Variants in MAGEL2 observed in about 807,000 individuals in gnomAD.
MAGEL2 encodes MAGE-like protein 2.
For missense variants in MAGEL2, 1,830 were observed against 1,699.2 expected (o/e 1.08, Z -1.35); for synonymous variants, 792 against 721.7 (o/e 1.10, Z -1.56).
rs375960990 is a variant in MAGEL2, at chr15:23,644,740, C to G, written c.3003G>C (p.Pro1001=). The change falls in exon 1 of 1, where the codon CCG becomes CCC. Residue 1001 remains proline (P), a synonymous_variant. Transcript: ENST00000650528. ...AATTATCCTGGGTGGCACTGGATCC[C>G]GGAGAGACACTTGCGACCTCAGACA... The part of the protein sequence containing the change: ...VVVSEVASVS[P]GSSATQDNSK... 61 of 1,613,684 alleles carry G rather than the reference C, an allele frequency of 3.8e-5. No individual in the cohort carries two copies. The highest frequency in any genetic ancestry group is 4.5e-5 in the Non-Finnish European group (53 of 1,179,888).
Position 23,643,932 on chromosome 15 carries a change from C to T in MAGEL2, c.*61G>A. The T allele has an allele frequency of 5.4e-6, 8 of 1,474,484 alleles. No individual in the cohort carries two copies. The highest frequency in any genetic ancestry group is 7.2e-6 in the Non-Finnish European group (8 of 1,112,702). The allele number at this position is 1,474,484 out of a possible 1,614,324, so 91.3% of individuals were successfully genotyped here. A position where few individuals can be genotyped will look rare whatever the true frequency, so the allele number is the denominator to read the frequency against. On this transcript the variant is annotated 3_prime_UTR_variant, in exon 1 of 1. Transcript: ENST00000650528. Reference sequence around the variant, plus strand: ...ACAAACACCAGGAACAAAAATGTCCCCCCACCCTGTCAGTGGCCTCTGGCC... The same window carrying T: ...ACAAACACCAGGAACAAAAATGTCCTCCCACCCTGTCAGTGGCCTCTGGCC...
Position 23,644,076 on chromosome 15 carries a change from A to G in MAGEL2, c.3667T>C (p.Cys1223Arg). The part of the protein sequence containing the change: ...PFHYLEALAE[C>R]EWEDTDEDEP... ...TCCTCATCTGTGTCTTCCCACTCAC[A>G]CTCTGCGAGCGCTTCAAGGTAATGG... Residue 1223 changes from cysteine (C) to arginine (R), a missense_variant, in exon 1 of 1, where the codon TGT becomes CGT. Transcript: ENST00000650528. 6.2e-7 allele frequency: 1 copy of G among 1,613,516 alleles called. No homozygotes were observed. The highest frequency in any genetic ancestry group is 8.5e-7 in the Non-Finnish European group (1 of 1,179,772).
In MAGEL2 at chr15:23,643,937, C is replaced by T. The variant is rs1890334463; in HGVS notation, c.*56G>A. 2.7e-6 allele frequency: 4 copies of T among 1,485,868 alleles called. No homozygotes were observed. The South Asian group carries it at 6.0e-5, about 22-fold the overall frequency. The allele number at this position is 1,485,868 out of a possible 1,614,324, so 92.0% of individuals were successfully genotyped here. ...CACCAGGAACAAAAATGTCCCCCCACCCTGTCAGTGGCCTCTGGCCAGGGA... is the reference window on the plus strand; with the variant it reads ...CACCAGGAACAAAAATGTCCCCCCATCCTGTCAGTGGCCTCTGGCCAGGGA... On this transcript the variant is annotated 3_prime_UTR_variant, in exon 1 of 1. Coordinates refer to ENST00000650528, the MANE Select transcript of MAGEL2 (RefSeq NM_019066.5).
At position 23,645,230 on chromosome 15, in the gene MAGEL2, G is replaced by T. The variant is rs1297997260; in HGVS notation, c.2513C>A (p.Pro838Gln). Residue 838 changes from proline (P) to glutamine (Q), a missense_variant, in exon 1 of 1, where the codon CCA becomes CAA. Transcript: ENST00000650528. ...VEALPAVPWV[P>Q]QPNMNASKAS... The stretch of plus-strand genomic sequence containing the variant: ...CTTTGAGGCATTCATATTGGGCTGT[G>T]GGACCCATGGAACTGCAGGCAGGGC... The T allele has an allele frequency of 6.2e-7, 1 of 1,613,866 alleles. No homozygotes were observed.
In MAGEL2 at chr15:23,644,608, C is replaced by T. The variant is rs755737731; in HGVS notation, c.3135G>A (p.Glu1045=). The change falls in exon 1 of 1, where the codon GAG becomes GAA. Residue 1045 remains glutamate (E), a synonymous_variant. Transcript: ENST00000650528. The part of the protein sequence containing the change: ...DQAKVPVQRS[E]MVKVILREYK... ...ACTCTCGGAGGATGACTTTCACCAT[C>T]TCCGAGCGCTGGACAGGCACCTTGG... is the stretch of plus-strand genomic sequence containing the variant. 2.5e-6 allele frequency: 4 copies of T among 1,613,938 alleles called. No homozygotes were observed. Among genetic ancestry groups the T allele is most frequent in the Non-Finnish European group, 3.4e-6 (4 of 1,179,872 alleles).
Position 23,646,970 on chromosome 15 carries a change from G to C in MAGEL2, c.773C>G (p.Pro258Arg), listed in dbSNP as rs1240010230. ...LMVQPAAPGA[P>R]MVQPPPAAMM... ...GGCTGCTGGAGGCGGCTGGACCATC[G>C]GTGCTCCCGGAGCAGCAGGCTGGAC... The change falls in exon 1 of 1, where the codon CCG becomes CGG. Residue 258 changes from proline to arginine, a missense_variant. Coordinates refer to ENST00000650528, the MANE Select transcript of MAGEL2 (RefSeq NM_019066.5). This position sits in a 1 kb window ranked among gnomAD's most constrained non-coding sequence, Gnocchi z 4.2. 1.3e-6 allele frequency: 2 copies of C among 1,536,720 alleles called. No individual in the cohort carries two copies. Among genetic ancestry groups the C allele is most frequent in the African/African-American group, 2.7e-5 (2 of 73,028 alleles).
rs1890358159 is a variant in MAGEL2, at chr15:23,644,852, G to A, written c.2891C>T (p.Ser964Phe). The change falls in exon 1 of 1, where the codon TCC (serine) becomes TTC (phenylalanine). Residue 964 changes from serine to phenylalanine, a missense_variant. Coordinates refer to ENST00000650528, the MANE Select transcript of MAGEL2 (RefSeq NM_019066.5). The stretch of plus-strand genomic sequence containing the variant: ...GCCCTCCCAGGCACTCAGGGCCCAG[G>A]ATGCGCTGGGCCCTTCCCAGCCACT... ...ILSGWEGPSASWALSAWEGPS... is the reference protein window; with the variant it reads ...ILSGWEGPSAFWALSAWEGPS... The A allele has an allele frequency of 1.2e-6, 2 of 1,612,222 alleles. No individual in the cohort carries two copies. The highest frequency in any genetic ancestry group is 1.7e-6 in the Non-Finnish European group (2 of 1,179,738).
chr15:23,647,737 C>T lies in MAGEL2; in HGVS notation c.6G>A (p.Ser2=), dbSNP rs1222522082. 2.1e-6 allele frequency: 3 copies of T among 1,452,824 alleles called. No individual in the cohort carries two copies. The highest frequency in any genetic ancestry group is 1.4e-5 in the South Asian group (1 of 70,312). The allele number at this position is 1,452,824 out of a possible 1,614,324, so 90.0% of individuals were successfully genotyped here. Residue 2 remains serine (S), a synonymous_variant, in exon 1 of 1, where the codon TCG becomes TCA. Transcript: ENST00000650528. M[S]QLSKNLGDSS... is the part of the protein sequence containing the mutation. ...AGTCACCCAGATTCTTACTTAGCTG[C>T]GACATGTCCCTTTGCTGACAGCTGG...
rs749321139 is a variant in MAGEL2, at chr15:23,644,728, G to T, written c.3015C>A (p.Ala1005=). ...EVASVSPGSS[A]TQDNSKVEAQ... ...CCTCCACCTTGGAATTATCCTGGGT[G>T]GCACTGGATCCCGGAGAGACACTTG... is the stretch of plus-strand genomic sequence containing the variant. The change falls in exon 1 of 1, where the codon GCC becomes GCA. Residue 1005 remains alanine (A), a synonymous_variant. Coordinates refer to ENST00000650528, the MANE Select transcript of MAGEL2 (RefSeq NM_019066.5). The T allele has an allele frequency of 6.2e-7, 1 of 1,613,822 alleles. No homozygotes were observed.
In MAGEL2 at chr15:23,647,286, G is replaced by A; in HGVS notation, c.457C>T (p.Pro153Ser). The A allele has an allele frequency of 6.5e-7, 1 of 1,535,512 alleles. No homozygotes were observed. Among genetic ancestry groups the A allele is most frequent in the Non-Finnish European group, 8.7e-7 (1 of 1,146,220 alleles). The change falls in exon 1 of 1, where the codon CCC becomes TCC. Residue 153 changes from proline (P) to serine (S), a missense_variant. Physicochemically the swap from Pro to Ser is moderately conservative, Grantham distance 74. Transcript: ENST00000650528. ...TGGGCCATTGGGGTCCCCGGAGGGG[G>A]AGGGTGGGACATTGGGGTCCCCGGA... ...PPPGTPMSHP[P>S]PPGTPMAHPP...
rs374837858 is a variant in MAGEL2, at chr15:23,645,700, C to A, written c.2043G>T (p.Pro681=). 9 of 1,557,678 alleles carry A rather than the reference C, an allele frequency of 5.8e-6. No homozygotes were observed. The highest frequency in any genetic ancestry group is 1.7e-4 in the Middle Eastern group (1 of 5,786). ...GCGGTGCCTGCCAGGAAGGCTGGAG[C>A]GGCAGTGTGGGCACCTCCGCTTGCG... ...SGPQAEVPTL[P]LQPSWQAPPA... Residue 681 remains proline, a synonymous_variant, in exon 1 of 1, where the codon CCG becomes CCT. Transcript: ENST00000650528.
At position 23,644,846 on chromosome 15, in the gene MAGEL2, G is replaced by A; in HGVS notation, c.2897C>T (p.Ala966Val). The change falls in exon 1 of 1, where the codon GCC (alanine) becomes GTC (valine). Residue 966 changes from alanine to valine, a missense_variant. Physicochemically the swap from Ala to Val is moderately conservative, Grantham distance 64. Coordinates refer to ENST00000650528, the MANE Select transcript of MAGEL2 (RefSeq NM_019066.5). Reference sequence around the variant, plus strand: ...GCTCGGGCCCTCCCAGGCACTCAGGGCCCAGGATGCGCTGGGCCCTTCCCA... The same window carrying A: ...GCTCGGGCCCTCCCAGGCACTCAGGACCCAGGATGCGCTGGGCCCTTCCCA... Reference protein sequence around the residue: ...SGWEGPSASWALSAWEGPSTS... With the variant: ...SGWEGPSASWVLSAWEGPSTS... 1.9e-6 allele frequency: 3 copies of A among 1,612,078 alleles called. No homozygotes were observed. The highest frequency in any genetic ancestry group is 2.5e-6 in the Non-Finnish European group (3 of 1,179,694).
rs1183330973 is a variant in MAGEL2 at position 23,644,196 on chromosome 15, G to A, written c.3547C>T (p.Leu1183Phe). The A allele has an allele frequency of 6.2e-7, 1 of 1,613,882 alleles. No homozygotes were observed. The highest frequency in any genetic ancestry group is 1.7e-4 in the Middle Eastern group (1 of 6,058). ...TCCAGGAATGCTCGAGGGCCCCAGA[G>A]GAACTCATACTCTGCGGGCTCAGTG... Reference protein sequence around the residue: ...PYTEPAEYEFLWGPRAFLETS... With the variant: ...PYTEPAEYEFFWGPRAFLETS... Residue 1183 changes from leucine (L) to phenylalanine (F), a missense_variant, in exon 1 of 1, where the codon CTC (leucine) becomes TTC (phenylalanine). By Grantham distance (22) the Leu-to-Phe change is conservative. Transcript: ENST00000650528.
chr15:23,645,055 C>T lies in MAGEL2; in HGVS notation c.2688G>A (p.Glu896=), dbSNP rs1313968066. The change falls in exon 1 of 1, where the codon GAG becomes GAA. Residue 896 remains glutamate (E), a synonymous_variant. Coordinates refer to ENST00000650528, the MANE Select transcript of MAGEL2 (RefSeq NM_019066.5). ...AGGCTAGCGTGTGGCCACGGCTGTC[C>T]TCTTGGGCTTCCAGATGCTTCTTCT... ...TRKKKHLEAQ[E]DSRGHTLAFH... 1.9e-6 allele frequency: 3 copies of T among 1,613,970 alleles called. No homozygotes were observed. Among genetic ancestry groups the T allele is most frequent in the East Asian group, 4.5e-5 (2 of 44,888 alleles).
In MAGEL2 at chr15:23,646,669, G is replaced by A. The variant is rs1373122669; in HGVS notation, c.1074C>T (p.Pro358=). The A allele has an allele frequency of 1.3e-5, 20 of 1,507,846 alleles. No individual in the cohort carries two copies. The East Asian group carries it at 1.7e-4, about 13-fold the overall frequency. The allele number at this position is 1,507,846 out of a possible 1,614,324, so 93.4% of individuals were successfully genotyped here. ...CCGGGGGTGTGGCTAGCTGCGCTGG[G>A]GGTGCCTGCGGGCCCTGGGGAACCT... ...PPQVPQGPQA[P]PAQLATPPGW... Residue 358 remains proline (P), a synonymous_variant, in exon 1 of 1, where the codon CCC becomes CCT. Transcript: ENST00000650528. This position sits in a 1 kb window ranked among gnomAD's most constrained non-coding sequence, Gnocchi z 4.2.
Position 23,646,173 on chromosome 15 carries a change from G to T in MAGEL2, c.1570C>A (p.Arg524=), listed in dbSNP as rs1890398232. Reference sequence around the variant, plus strand: ...GGCAGCCTAGCCTGCGGGGCCTGCCGCAGTGGAGGTGGGGGTGGCAGGGCC... The same window carrying T: ...GGCAGCCTAGCCTGCGGGGCCTGCCTCAGTGGAGGTGGGGGTGGCAGGGCC... ...WQALPPPPPL[R]QAPQARLPAP... is the part of the protein sequence containing the mutation. The change falls in exon 1 of 1, where the codon CGG becomes AGG. Residue 524 remains arginine, a synonymous_variant. Transcript: ENST00000650528. This position sits in a 1 kb window ranked among gnomAD's most constrained non-coding sequence, Gnocchi z 4.2. 2.3e-6 allele frequency: 3 copies of T among 1,333,182 alleles called. No homozygotes were observed. In the South Asian group the frequency reaches 6.2e-5, roughly 27 times the overall value. The allele number at this position is 1,333,182 out of a possible 1,614,324, so 82.6% of individuals were successfully genotyped here. A position where few individuals can be genotyped will look rare whatever the true frequency, so the allele number is the denominator to read the frequency against.
Position 23,647,454 on chromosome 15 carries a change from C to T in MAGEL2, c.289G>A (p.Gly97Ser). 2 of 1,534,970 alleles carry T rather than the reference C, an allele frequency of 1.3e-6. No individual in the cohort carries two copies. The highest frequency in any genetic ancestry group is 8.7e-7 in the Non-Finnish European group (1 of 1,146,348). ...GGAGTCGGAGGCTTACCCATCGGGC[C>T]CCCCAGCGGGGGAGCCGGGACTATC... is the stretch of plus-strand genomic sequence containing the variant. ...GPIVPAPPLGGPMGKPPTPGV... is the reference protein window; with the variant it reads ...GPIVPAPPLGSPMGKPPTPGV... The change falls in exon 1 of 1, where the codon GGC (glycine) becomes AGC (serine). Residue 97 changes from glycine to serine, a missense_variant. Coordinates refer to ENST00000650528, the MANE Select transcript of MAGEL2 (RefSeq NM_019066.5).
Position 23,646,145 on chromosome 15 carries a change from G to T in MAGEL2, c.1598C>A (p.Ala533Asp). ...LRQAPQARLP[A>D]PQVQAAPQVP... The stretch of plus-strand genomic sequence containing the variant: ...CTGCGGCGCCGCCTGCACCTGCGGG[G>T]CCGGCAGCCTAGCCTGCGGGGCCTG... The change falls in exon 1 of 1, where the codon GCC becomes GAC. Residue 533 changes from alanine to aspartate, a missense_variant. Transcript: ENST00000650528. The surrounding 1 kb of genome is among the most constrained non-coding windows in gnomAD (Gnocchi z 4.2). The T allele has an allele frequency of 3.7e-6, 5 of 1,347,790 alleles. No individual in the cohort carries two copies. The highest frequency in any genetic ancestry group is 4.7e-6 in the Non-Finnish European group (5 of 1,058,108). 83.5% of individuals were successfully genotyped at this position (1,347,790 alleles called of 1,614,324 possible).
rs537858935 is a variant in MAGEL2, at chr15:23,645,139, A to T, written c.2604T>A (p.Thr868=). The T allele has an allele frequency of 1.1e-5, 17 of 1,613,512 alleles. No homozygotes were observed. In the East Asian group the frequency reaches 3.3e-4, roughly 32 times the overall value. The change falls in exon 1 of 1, where the codon ACT becomes ACA. Residue 868 remains threonine (T), a synonymous_variant. Transcript: ENST00000650528. ...TAAAPQATAT[T]QEASKTSVEP... is the part of the protein sequence containing the mutation. ...CGACGGAGGTCTTGGAGGCCTCTTG[A>T]GTGGTGGCAGTTGCCTGGGGGGCAG... is the stretch of plus-strand genomic sequence containing the variant.
Sources: gnomAD v4.1 joint callset for allele counts on GRCh38, gnomAD v4.1.1 for gene constraint, Gnocchi (gnomAD v3.1) non-coding constraint, MANE v1.5 for transcripts, NCBI Gene and HGNC (gene_info 2026-07-23, HGNC 2026-07-21) for gene names.